SH3BGR: variants seen among roughly 807,000 people sequenced by gnomAD.
SH3BGR encodes the protein SH3 domain binding glutamate rich protein.
SH3BGR carries 29 observed loss-of-function variants against 24.5 expected under a neutral mutation model. That is an observed-to-expected ratio of 1.18 (90% CI 0.88 to 1.61). The LOEUF (loss-of-function observed/expected upper bound fraction) is 1.61, where lower values mean the gene tolerates loss of function less well. SH3BGR is among the 40% of genes most tolerant of loss of function. The probability of loss-of-function intolerance (pLI) is 0.00; values close to 1 mark genes in which losing one functional copy is unlikely to be tolerated. For missense variants in SH3BGR, 162 were observed against 205.8 expected (o/e 0.79, Z 1.30); for synonymous variants, 55 against 65.7 (o/e 0.84, Z 0.79).
chr21:39,484,098 T>C (rs746763158), intron 3 of SH3BGR, among the ~76,000 whole-genome samples: 26 of 152,222 alleles, frequency 1.7e-4, no homozygotes, highest in Non-Finnish European at 2.4e-4. Flanking sequence ...AGGGATGATA[T>C]TGTAAAGGGC....
chr21:39,497,316 A>G (rs1208207300), intron 3 of SH3BGR, among the ~76,000 whole-genome samples: 1 of 151,526 alleles, frequency 6.6e-6, no homozygotes, highest in Non-Finnish European at 1.5e-5. Context: ...ATAATTTGCC[A>G]TCTGTCTGGA....
intron 2 of SH3BGR, among the ~76,000 whole-genome samples, chr21:39,466,710 A>G (rs1333667532): frequency 6.6e-6 from 1 of 152,188 alleles, no homozygotes; most frequent in Non-Finnish European, 1.5e-5. Context: ...CTCACTCACT[A>G]TCATGAGAAC....
At chr21:39,512,803 CA>C (rs1184780025) in intron 6 of SH3BGR, among the ~76,000 whole-genome samples, 1 of 151,900 alleles carries the variant, frequency 6.6e-6, no homozygotes, top group Non-Finnish European at 1.5e-5. Context: ...AAAACAAAAA[CA>C]AAAACAAAAA....
intron 2 of SH3BGR, among the ~76,000 whole-genome samples, chr21:39,467,962 C>A (rs904059741): frequency 6.6e-6 from 1 of 152,186 alleles, no homozygotes; most frequent in African/African-American, 2.4e-5. Flanking sequence ...GGCCAGGCTC[C>A]CCGCCTGACA....
chr21:39,487,671 A>C (rs2078232986), intron 3 of SH3BGR, among the ~76,000 whole-genome samples: 1 of 152,240 alleles, frequency 6.6e-6, no homozygotes, highest in East Asian at 1.9e-4. Flanking sequence ...CTTGTAGAAC[A>C]CATTTCAGTC....
chr21:39,473,622 C>T lies in SH3BGR; in HGVS notation c.232-1513C>T, dbSNP rs542750446. 3.9e-5 allele frequency among the ~76,000 whole-genome samples: 6 copies of T among 152,216 alleles called. No individual in the cohort carries two copies. In the Middle Eastern group the frequency reaches 0.014, roughly 345 times the overall value. Reference sequence around the variant, plus strand: ...ACAGGAGGCTGGGCATGGTGGCTCACGCCTGTAATCCCAGCACTTTGGGAG... The same window carrying T: ...ACAGGAGGCTGGGCATGGTGGCTCATGCCTGTAATCCCAGCACTTTGGGAG... On this transcript the variant is annotated intron_variant, in intron 2 of 6. Transcript: ENST00000333634.
rs375177919 is a variant in SH3BGR at position 39,470,079 on chromosome 21, T to A, written c.232-5056T>A. On this transcript the variant is annotated intron_variant, in intron 2 of 6. Coordinates refer to ENST00000333634, the MANE Select transcript of SH3BGR (RefSeq NM_007341.3). ...CTACTTTATTATATGCTTTTAATTTTTCTCAGTTTTGCAGTTTTTTTAATC... is the reference window on the plus strand; with the variant it reads ...CTACTTTATTATATGCTTTTAATTTATCTCAGTTTTGCAGTTTTTTTAATC... Among the ~76,000 whole-genome samples the A allele has an allele frequency of 1.4e-3, 208 of 152,256 alleles. 1 individual carries two copies. Among genetic ancestry groups the A allele is most frequent in the African/African-American group, 4.9e-3 (204 of 41,568 alleles).
chr21:39,513,885 G>A (rs2078739654), intron 6 of SH3BGR, among the ~76,000 whole-genome samples: 1 of 152,070 alleles, frequency 6.6e-6, no homozygotes, highest in African/African-American at 2.4e-5. Context: ...GTTTTAATGT[G>A]ATAATTATAA....
At chr21:39,482,939 G>C (rs570963358) in intron 3 of SH3BGR, among the ~76,000 whole-genome samples, 55 of 152,318 alleles carry the variant, frequency 3.6e-4, no homozygotes, top group African/African-American at 1.2e-3. Context: ...CAAAGTGCTG[G>C]ATTACAGGCA....
Position 39,515,431 on chromosome 21 carries a change from C to G in SH3BGR, c.*378C>G. The G allele has an allele frequency of 6.4e-6, 1 of 157,034 alleles. No homozygotes were observed. The highest frequency in any genetic ancestry group is 1.9e-4 in the South Asian group (1 of 5,392). 9.7% of individuals were successfully genotyped at this position (157,034 alleles called of 1,614,324 possible). ...ATTTCTTCAAATGCGCCTTATGCTA[C>G]TTATCTCAGAAACAGGTTTTAAAAT... On this transcript the variant is annotated 3_prime_UTR_variant, in exon 7 of 7. Coordinates refer to ENST00000333634, the MANE Select transcript of SH3BGR (RefSeq NM_007341.3).
chr21:39,499,180 A>C (rs932682374), intron 3 of SH3BGR, among the ~76,000 whole-genome samples: 3 of 151,752 alleles, frequency 2.0e-5, no homozygotes, highest in African/African-American at 7.3e-5. Flanking sequence ...CATTATGGGG[A>C]TTATAATTCA....
rs781581022 is a variant in SH3BGR, at chr21:39,462,396, G to A, written c.67G>A (p.Val23Ile). ...SIAIRKKQQEVVGFLEANKID... is the reference protein window; with the variant it reads ...SIAIRKKQQEIVGFLEANKID... Reference sequence around the variant, plus strand: ...CCAGATTAGGAAGAAACAGCAAGAAGTAGTGGGTTTTTTGGAAGCGAATAA... The same window carrying A: ...CCAGATTAGGAAGAAACAGCAAGAAATAGTGGGTTTTTTGGAAGCGAATAA... The change falls in exon 2 of 7, where the codon GTA becomes ATA. Residue 23 changes from valine (V) to isoleucine (I), a missense_variant. Physicochemically the swap from Val to Ile is conservative, Grantham distance 29. Coordinates refer to ENST00000333634, the MANE Select transcript of SH3BGR (RefSeq NM_007341.3). 263 of 1,609,030 alleles carry A rather than the reference G, an allele frequency of 1.6e-4. No individual in the cohort carries two copies. Among genetic ancestry groups the A allele is most frequent in the Non-Finnish European group, 2.2e-4 (256 of 1,178,926 alleles).
intron 3 of SH3BGR, among the ~76,000 whole-genome samples, chr21:39,499,463 ATCT>A (rs137984211): frequency 0.034 from 5,143 of 152,100 alleles, 92 homozygotes; most frequent in Middle Eastern, 0.071. Flanking sequence ...TACCTTATCT[ATCT>A]TCTTAATTTT....
At chr21:39,453,105 A>G (rs2077601284) in intron 1 of SH3BGR, among the ~76,000 whole-genome samples, 1 of 152,192 alleles carries the variant, frequency 6.6e-6, no homozygotes, top group Admixed American at 6.5e-5. Context: ...CAGTACCCAG[A>G]GTAAGCCATT....
rs1413850758 is a variant in SH3BGR at position 39,515,201 on chromosome 21, C to G, written c.*148C>G. 1 of 461,068 alleles carries G rather than the reference C, an allele frequency of 2.2e-6. No individual in the cohort carries two copies. The highest frequency in any genetic ancestry group is 2.0e-5 in the African/African-American group (1 of 49,800). 28.6% of individuals were successfully genotyped at this position (461,068 alleles called of 1,614,324 possible). On this transcript the variant is annotated 3_prime_UTR_variant, in exon 7 of 7. Transcript: ENST00000333634. ...GTTACTGAGGACTTATGCTGCCTGA[C>G]CTGGTTAGATGTACATGGAGGTATC...
intron 2 of SH3BGR, among the ~76,000 whole-genome samples, chr21:39,465,357 A>G (rs779398422): frequency 1.3e-5 from 2 of 152,166 alleles, no homozygotes; most frequent in Admixed American, 6.5e-5. Flanking sequence ...ATTCTCAACC[A>G]TTTTTGAAGG....
At chr21:39,506,678 G>A (rs563057902) in intron 4 of SH3BGR, among the ~76,000 whole-genome samples, 3 of 152,224 alleles carry the variant, frequency 2.0e-5, no homozygotes, top group African/African-American at 7.2e-5. Context: ...GGGGGAACCC[G>A]CCCCCCTGAT....
chr21:39,449,777 A>G (rs2077552631), upstream of SH3BGR, among the ~76,000 whole-genome samples: 1 of 152,160 alleles, frequency 6.6e-6, no homozygotes. Flanking sequence ...CATCATCTCT[A>G]GTTCTGTGTC....
intron 2 of SH3BGR, among the ~76,000 whole-genome samples, chr21:39,467,312 C>CT (rs2077861028): frequency 6.6e-6 from 1 of 151,856 alleles, no homozygotes; most frequent in Non-Finnish European, 1.5e-5. Context: ...CAAATAATGA[C>CT]TGCTATTTTT....
Sources: gnomAD v4.1 joint callset for allele counts (sites outside exome capture counted in the v4.1 genomes callset) on GRCh38, gnomAD v4.1.1 for gene constraint, MANE v1.5 for transcripts, NCBI Gene and HGNC (gene_info 2026-07-23, HGNC 2026-07-21) for gene names.